Variants in ADAMTSL1 observed in about 807,000 individuals in gnomAD.
ADAMTSL1 encodes the protein ADAMTS-like protein 1.
ADAMTSL1 carries 126 observed loss-of-function variants against 201.8 expected under a neutral mutation model. The ratio of observed to expected loss-of-function variants is 0.62; its 90% CI spans 0.54 to 0.72. ADAMTSL1 has a LOEUF of 0.72. Among genes scored for constraint, ADAMTSL1 ranks in the 30% least tolerant of loss-of-function variants. The probability of loss-of-function intolerance (pLI) is 0.00; values close to 1 mark genes in which losing one functional copy is unlikely to be tolerated. For synonymous variants in ADAMTSL1, 1,121 were observed against 903.4 expected (o/e 1.24, Z -4.32); for missense variants, 2,679 against 2,277.8 (o/e 1.18, Z -3.59).
chr9:18,518,658 G>T (rs890634904), intron 2 of ADAMTSL1, among the ~76,000 whole-genome samples: 1 of 152,058 alleles, frequency 6.6e-6, no homozygotes, highest in East Asian at 1.9e-4. Context: ...CCTTTGGTTA[G>T]ATACCCAGTG....
intron 1 of ADAMTSL1, among the ~76,000 whole-genome samples, chr9:17,917,188 T>A (rs2131282978): frequency 6.6e-6 from 1 of 152,272 alleles, no homozygotes; most frequent in Middle Eastern, 3.4e-3. Context: ...TCCACATAAG[T>A]GATTGTCTTG....
chr9:17,988,161 A>G (rs573907462), intron 1 of ADAMTSL1, among the ~76,000 whole-genome samples: 4 of 152,182 alleles, frequency 2.6e-5, no homozygotes, highest in South Asian at 2.1e-4. Context: ...GCAAGAAAAG[A>G]GTAAGTGACG....
intron 2 of ADAMTSL1, among the ~76,000 whole-genome samples, chr9:18,525,071 T>C (rs1317221770): frequency 1.3e-5 from 2 of 152,184 alleles, no homozygotes; most frequent in Admixed American, 1.3e-4. Flanking sequence ...TGTCTGGTCC[T>C]GGACTTTTTT....
intron 10 of ADAMTSL1, among the ~76,000 whole-genome samples, chr9:18,676,377 T>A (rs1830132251): frequency 6.6e-6 from 1 of 152,142 alleles, no homozygotes; most frequent in South Asian, 2.1e-4. Flanking sequence ...TTATTTCAGA[T>A]AAATTATAAT....
intron 14 of ADAMTSL1, among the ~76,000 whole-genome samples, chr9:18,718,803 G>C (rs553191959): frequency 6.6e-6 from 1 of 152,332 alleles, no homozygotes; most frequent in East Asian, 1.9e-4. Flanking sequence ...AGTAAAGCAT[G>C]TGACAAGCCC....
At chr9:17,954,374 A>G (rs1827847990) in intron 1 of ADAMTSL1, among the ~76,000 whole-genome samples, 1 of 152,220 alleles carries the variant, frequency 6.6e-6, no homozygotes, top group Non-Finnish European at 1.5e-5. Context: ...TCTCAATGGT[A>G]GAATGGCAAA....
At chr9:18,155,380 G>T (rs1393656616) in intron 1 of ADAMTSL1, among the ~76,000 whole-genome samples, 2 of 151,996 alleles carry the variant, frequency 1.3e-5, no homozygotes, top group East Asian at 1.9e-4. Context: ...GCCAGTCTGG[G>T]TGATGATGAT....
chr9:18,061,560 A>G (rs573106410), intron 1 of ADAMTSL1, among the ~76,000 whole-genome samples: 1 of 152,298 alleles, frequency 6.6e-6, no homozygotes, highest in South Asian at 2.1e-4. Context: ...TTACATGTGG[A>G]CTGGACCTAG....
intron 26 of ADAMTSL1, among the ~76,000 whole-genome samples, chr9:18,899,173 A>C (rs1336323869): frequency 6.6e-6 from 1 of 152,220 alleles, no homozygotes; most frequent in Non-Finnish European, 1.5e-5. Context: ...AGAGAGCCAA[A>C]TCATGAATGA....
intron 2 of ADAMTSL1, among the ~76,000 whole-genome samples, chr9:18,512,717 C>A (rs1818108760): frequency 6.6e-6 from 1 of 152,080 alleles, no homozygotes; most frequent in African/African-American, 2.4e-5. Flanking sequence ...ATCTGTGGAA[C>A]TGGGTTTTAA....
chr9:17,949,125 A>T (rs1404725896), intron 1 of ADAMTSL1, among the ~76,000 whole-genome samples: 1 of 152,242 alleles, frequency 6.6e-6, no homozygotes, highest in East Asian at 1.9e-4. Context: ...ATAATTGCTG[A>T]TATTTTAAAA....
At chr9:18,050,745 G>C (rs1000155962) in intron 1 of ADAMTSL1, among the ~76,000 whole-genome samples, 9 of 152,112 alleles carry the variant, frequency 5.9e-5, no homozygotes, top group African/African-American at 1.9e-4. Flanking sequence ...GTCACAGGTG[G>C]GGATCTGACT....
At chr9:18,620,446 G>A (rs1259976090) in intron 4 of ADAMTSL1, among the ~76,000 whole-genome samples, 4 of 151,970 alleles carry the variant, frequency 2.6e-5, no homozygotes, top group Non-Finnish European at 5.9e-5. Flanking sequence ...TTACCTAACC[G>A]GTTAAATGAA....
At chr9:18,834,727 C>T (rs1276641158) in intron 23 of ADAMTSL1, among the ~76,000 whole-genome samples, 1 of 152,114 alleles carries the variant, frequency 6.6e-6, no homozygotes, top group Non-Finnish European at 1.5e-5. Flanking sequence ...TAGAAAAGGA[C>T]TAATGCCTTT....
rs190189626 is a variant in ADAMTSL1 at position 18,104,545 on chromosome 9, C to T, written c.88-59317C>T. On this transcript the variant is annotated intron_variant, in intron 1 of 29. Coordinates refer to the ADAMTSL1 transcript ENST00000680146. The stretch of plus-strand genomic sequence containing the variant: ...CTCTGGGAGCTAAACAGTAGGTACA[C>T]GTGGACATAGAGAGTGGAAAAATAG... Among the ~76,000 whole-genome samples the T allele has an allele frequency of 2.2e-4, 33 of 152,082 alleles. 1 individual carries two copies. Among genetic ancestry groups the T allele is most frequent in the Middle Eastern group, 6.8e-3 (2 of 294 alleles).
At chr9:18,616,914 TA>T (rs1225546924) in intron 4 of ADAMTSL1, among the ~76,000 whole-genome samples, 1 of 152,210 alleles carries the variant, frequency 6.6e-6, no homozygotes, top group Non-Finnish European at 1.5e-5. Flanking sequence ...CTCCCTCCCC[TA>T]TTTATTAAAA....
intron 1 of ADAMTSL1, among the ~76,000 whole-genome samples, chr9:18,103,849 T>C (rs766895823): frequency 6.6e-6 from 1 of 152,158 alleles, no homozygotes; most frequent in Non-Finnish European, 1.5e-5. Flanking sequence ...ACTAGACCCA[T>C]AGGTGGTCTA....
chr9:17,978,243 T>G (rs1398463709), intron 1 of ADAMTSL1, among the ~76,000 whole-genome samples: 1 of 152,146 alleles, frequency 6.6e-6, no homozygotes, highest in Non-Finnish European at 1.5e-5. Flanking sequence ...GTTATTTTTT[T>G]ATCCCTCTAT....
Position 18,827,792 on chromosome 9 carries a change from G to A in ADAMTSL1, c.4114+1329G>A, listed in dbSNP as rs186230551. The stretch of plus-strand genomic sequence containing the variant: ...TCTAATACAGTGTAGCAGTGAACAC[G>A]GTGTTCGAAGAGCAAAACATCTTCC... On this transcript the variant is annotated intron_variant, in intron 22 of 28. Coordinates refer to ENST00000380548, the MANE Select transcript of ADAMTSL1 (RefSeq NM_001040272.6). Among the ~76,000 whole-genome samples, 80 of 152,188 alleles carry A rather than the reference G, an allele frequency of 5.3e-4. 1 individual carries two copies. The highest frequency in any genetic ancestry group is 1.7e-3 in the African/African-American group (72 of 41,542).
Sources: gnomAD v4.1 joint callset for allele counts (sites outside exome capture counted in the v4.1 genomes callset) on GRCh38, gnomAD v4.1.1 for gene constraint, MANE v1.5 for transcripts, NCBI Gene and HGNC (gene_info 2026-07-23, HGNC 2026-07-21) for gene names.